RUFY3: variants seen among roughly 807,000 people sequenced by gnomAD.
The protein encoded by RUFY3 is protein RUFY3.
A neutral mutation model predicts 84.0 loss-of-function variants in RUFY3; 34 were observed. That is an observed-to-expected ratio of 0.40 (90% CI 0.31 to 0.54). RUFY3 has a LOEUF of 0.54. Ranked by LOEUF, RUFY3 falls within the 20% of genes least tolerant of loss-of-function variation. The pLI, the probability that RUFY3 is intolerant of heterozygous loss-of-function variation, is 0.39. For synonymous variants in RUFY3, 242 were observed against 252.9 expected, an observed-to-expected ratio of 0.96 and a Z score of 0.41; for missense variants, 507 against 736.8, an observed-to-expected ratio of 0.69 and a Z score of 3.61.
At chr4:70,802,897 A>G (rs958160709) in intron 15 of RUFY3, 59 bp from the exon 16 acceptor site, 2 of 1,238,320 alleles carry the variant, frequency 1.6e-6, no homozygotes, top group African/African-American at 1.5e-5. Flanking sequence ...TATTGAAATG[A>G]TATAAATGAA....
chr4:70,766,204 A>G (rs192560711), intron 4 of RUFY3, among the ~76,000 whole-genome samples: 3 of 152,286 alleles, frequency 2.0e-5, no homozygotes, highest in East Asian at 3.9e-4. Flanking sequence ...CATGATGTCA[A>G]ATTGACTGAA....
At chr4:70,770,323 G>A (rs1330792320) in intron 5 of RUFY3, among the ~76,000 whole-genome samples, 3 of 152,224 alleles carry the variant, frequency 2.0e-5, no homozygotes, top group Non-Finnish European at 4.4e-5. Flanking sequence ...GTCCTAGATG[G>A]CATTGTCTAA....
Position 70,795,344 on chromosome 4 carries a change from C to T in RUFY3, c.1557+450C>T, listed in dbSNP as rs533693484. ...TCATGAGGATTTCATTTTGAGTATC[C>T]TTAAGGAACTTCTCGTGGGAATAAT... On this transcript the variant is annotated intron_variant, in intron 14 of 17. Transcript: ENST00000381006. 8.3e-4 allele frequency among the ~76,000 whole-genome samples: 126 copies of T among 152,002 alleles called. 3 individuals carry two copies. The South Asian group carries it at 0.026, about 31-fold the overall frequency.
intron 1 of RUFY3, among the ~76,000 whole-genome samples, chr4:70,743,490 T>C (rs1454957408): frequency 6.6e-6 from 1 of 152,170 alleles, no homozygotes; most frequent in East Asian, 1.9e-4. Context: ...TTGAGAACTT[T>C]ACCATGACTC....
chr4:70,796,688 G>T (rs1310871680), intron 14 of RUFY3, among the ~76,000 whole-genome samples: 2 of 152,162 alleles, frequency 1.3e-5, no homozygotes, highest in Admixed American at 6.5e-5. Context: ...CTCACAAATT[G>T]ATGTGGATAG....
intron 8 of RUFY3, among the ~76,000 whole-genome samples, chr4:70,780,264 T>G (rs1178285057): frequency 1.3e-5 from 2 of 151,672 alleles, no homozygotes; most frequent in African/African-American, 4.9e-5. Flanking sequence ...CACTTGCTAG[T>G]TTTTTGTTTT....
chr4:70,761,938 A>G (rs1480874190), intron 1 of RUFY3, among the ~76,000 whole-genome samples: 1 of 152,202 alleles, frequency 6.6e-6, no homozygotes, highest in Non-Finnish European at 1.5e-5. Flanking sequence ...ATGGAAGCAG[A>G]GAGAGCAGTG....
chr4:70,779,582 T>C (rs1171312604), intron 8 of RUFY3, among the ~76,000 whole-genome samples: 1 of 151,760 alleles, frequency 6.6e-6, no homozygotes, highest in African/African-American at 2.4e-5. Context: ...TTATTTCTTT[T>C]TCTTTTTTTT....
intron 5 of RUFY3, among the ~76,000 whole-genome samples, chr4:70,771,340 A>T (rs1008546525): frequency 2.0e-5 from 3 of 152,016 alleles, no homozygotes; most frequent in Non-Finnish European, 4.4e-5. Context: ...ACTAAAATAT[A>T]TGCAGTTGAC....
intron 1 of RUFY3, among the ~76,000 whole-genome samples, chr4:70,735,567 G>A (rs924067177): frequency 3.3e-5 from 5 of 152,118 alleles, no homozygotes; most frequent in African/African-American, 7.2e-5. Flanking sequence ...TTGGCTGGGC[G>A]TGGTGGCTCA....
intron 10 of RUFY3, among the ~76,000 whole-genome samples, chr4:70,787,281 G>A (rs1490328215): frequency 7.9e-6 from 1 of 126,120 alleles, no homozygotes; most frequent in African/African-American, 3.0e-5. Flanking sequence ...TTTTTGAGAT[G>A]GAGTCTTGCT....
chr4:70,778,495 C>A, intron 8 of RUFY3, 57 bp downstream of exon 8: 2 of 918,168 alleles, frequency 2.2e-6, no homozygotes, highest in Non-Finnish European at 1.8e-6. Flanking sequence ...TTAGTAGAAC[C>A]AATAATTTTA....
In RUFY3 at chr4:70,793,017, A is replaced by AT. The variant is rs1191840580; in HGVS notation, c.1338-766dup. 2.0e-4 allele frequency: 196 copies of AT among 985,292 alleles called. 1 individual carries two copies. The highest frequency in any genetic ancestry group is 2.3e-4 in the Non-Finnish European group (195 of 829,884). The allele number at this position is 985,292 out of a possible 1,614,324, so 61.0% of individuals were successfully genotyped here. A position where few individuals can be genotyped will look rare whatever the true frequency, so the allele number is the denominator to read the frequency against. ...TACACATAGCATGCGTTTAAATTCTATTATATAAAGCCCCAAGTGCTTTAC... is the reference window on the plus strand; with the variant it reads ...TACACATAGCATGCGTTTAAATTCTATTTATATAAAGCCCCAAGTGCTTTAC... On this transcript the variant is annotated intron_variant, in intron 12 of 17. Coordinates refer to ENST00000381006, the MANE Select transcript of RUFY3 (RefSeq NM_001037442.4).
intron 1 of RUFY3, among the ~76,000 whole-genome samples, chr4:70,715,480 A>G (rs551739501): frequency 6.7e-6 from 1 of 148,200 alleles, no homozygotes; most frequent in Admixed American, 6.8e-5. Flanking sequence ...GCTACTTGGG[A>G]GTCTGAGGCA....
rs1732945597 is a variant in RUFY3 at position 70,807,346 on chromosome 4, A to G, written c.*687A>G. On this transcript the variant is annotated 3_prime_UTR_variant, in exon 18 of 18. Transcript: ENST00000381006. ...TTTGTTTTTCTACTTTATGACTTCA[A>G]AGTAAATAACTGCCCTTTTCAGAAT... is the stretch of plus-strand genomic sequence containing the variant. 6.6e-6 allele frequency: 1 copy of G among 152,312 alleles called. No individual in the cohort carries two copies. The allele number at this position is 152,312 out of a possible 1,614,324, so 9.4% of individuals were successfully genotyped here.
At chr4:70,749,717 A>G (rs1313828833) in intron 1 of RUFY3, among the ~76,000 whole-genome samples, 35 of 148,866 alleles carry the variant, frequency 2.4e-4, no homozygotes, top group Non-Finnish European at 1.5e-5. Context: ...AGGTGGTGGC[A>G]CAGCTCACTG....
At chr4:70,727,039 CT>C (rs1242842461) in intron 1 of RUFY3, among the ~76,000 whole-genome samples, 3,146 of 113,264 alleles carry the variant, frequency 0.028, 88 homozygotes, top group African/African-American at 0.075. Context: ...GATTTCTTTC[CT>C]TTTTTTTTTT....
chr4:70,715,836 A>G (rs192740692), intron 1 of RUFY3, among the ~76,000 whole-genome samples: 5 of 152,190 alleles, frequency 3.3e-5, no homozygotes, highest in Non-Finnish European at 7.4e-5. Flanking sequence ...TCAGAAGACC[A>G]GGCACAGTGG....
chr4:70,757,018 C>T (rs1724141049), intron 1 of RUFY3, among the ~76,000 whole-genome samples: 1 of 152,038 alleles, frequency 6.6e-6, no homozygotes, highest in Non-Finnish European at 1.5e-5. Flanking sequence ...TGCCTGTAAT[C>T]TCATTACTTT....
Sources: gnomAD v4.1 joint callset for allele counts (sites outside exome capture counted in the v4.1 genomes callset) on GRCh38, gnomAD v4.1.1 for gene constraint, MANE v1.5 for transcripts, NCBI Gene and HGNC (gene_info 2026-07-23, HGNC 2026-07-21) for gene names.